ERBB4: variants seen among roughly 807,000 people sequenced by gnomAD.
The protein encoded by ERBB4 is receptor tyrosine-protein kinase erbB-4.
Under a neutral mutation model 158.0 loss-of-function variants are expected in ERBB4, and 42 were observed. That is an observed-to-expected ratio of 0.27 (90% CI 0.21 to 0.34). The LOEUF (loss-of-function observed/expected upper bound fraction) is 0.34. Among genes scored for constraint, ERBB4 ranks in the 10% least tolerant of loss-of-function variants. ERBB4 has a pLI of 1.00. For synonymous variants in ERBB4, 583 were observed against 558.7 expected (o/e 1.04, Z -0.61); for missense variants, 1,333 against 1,624.1 (o/e 0.82, Z 3.08).
At chr2:211,526,861 G>T (rs2066362584) in intron 20 of ERBB4, among the ~76,000 whole-genome samples, 1 of 152,050 alleles carries the variant, frequency 6.6e-6, no homozygotes. Flanking sequence ...AAGAATTAGT[G>T]AGCTTGAAGA....
intron 2 of ERBB4, among the ~76,000 whole-genome samples, chr2:212,062,654 C>A (rs2077816016): frequency 6.6e-6 from 1 of 152,086 alleles, no homozygotes; most frequent in African/African-American, 2.4e-5. Context: ...ATCTGCCCGC[C>A]TTGGCTTCCC....
chr2:211,781,764 A>G (rs1420751642), intron 4 of ERBB4, among the ~76,000 whole-genome samples: 1 of 152,128 alleles, frequency 6.6e-6, no homozygotes, highest in African/African-American at 2.4e-5. Flanking sequence ...TAATAGCCCT[A>G]TGAAGTTGAT....
intron 1 of ERBB4, among the ~76,000 whole-genome samples, chr2:212,184,409 C>T (rs905060995): frequency 6.6e-6 from 1 of 152,040 alleles, no homozygotes; most frequent in East Asian, 1.9e-4. Context: ...ATATATAAGG[C>T]TCTGAATTGG....
intron 1 of ERBB4, among the ~76,000 whole-genome samples, chr2:212,198,667 C>CGGGTTCA (rs2082500430): frequency 6.6e-6 from 1 of 150,570 alleles, no homozygotes; most frequent in Non-Finnish European, 1.5e-5. Flanking sequence ...CTCTGCCTCC[C>CGGGTTCA]GGGTTCAAGC....
intron 20 of ERBB4, among the ~76,000 whole-genome samples, chr2:211,508,942 C>A (rs1310058993): frequency 7.7e-6 from 1 of 130,478 alleles, no homozygotes; most frequent in Non-Finnish European, 1.7e-5. Context: ...AACAAACAAA[C>A]AAAAAAACAA....
intron 1 of ERBB4, among the ~76,000 whole-genome samples, chr2:212,264,103 A>T (rs770620014): frequency 1.3e-5 from 2 of 152,136 alleles, no homozygotes; most frequent in Admixed American, 1.3e-4. Flanking sequence ...ATCAACTACA[A>T]TGTGGATGGC....
intron 2 of ERBB4, among the ~76,000 whole-genome samples, chr2:212,047,787 C>A (rs558433425): frequency 1.3e-5 from 2 of 151,880 alleles, no homozygotes; most frequent in African/African-American, 2.4e-5. Flanking sequence ...CCCAGCCCTT[C>A]ATATTAATTT....
chr2:211,518,956 T>G (rs754677883), intron 20 of ERBB4, among the ~76,000 whole-genome samples: 15 of 152,136 alleles, frequency 9.9e-5, no homozygotes, highest in Non-Finnish European at 2.1e-4. Context: ...TAGTCTTCAC[T>G]CAGCCCTCTC....
At chr2:212,530,017 G>A (rs536620816) in intron 1 of ERBB4, among the ~76,000 whole-genome samples, 1 of 152,068 alleles carries the variant, frequency 6.6e-6, no homozygotes. Context: ...AGAAATTGAA[G>A]ACAGTTTTAG....
At chr2:211,690,720 C>A (rs1327866423) in intron 12 of ERBB4, among the ~76,000 whole-genome samples, 3 of 152,092 alleles carry the variant, frequency 2.0e-5, no homozygotes, top group Non-Finnish European at 1.5e-5. Flanking sequence ...AAGAAATTTT[C>A]GATCAGCACC....
In ERBB4 at chr2:212,391,062, C is replaced by T. The variant is rs569823217; in HGVS notation, c.82+147387G>A. Reference sequence around the variant, plus strand: ...CAGTTCACTTTCACTGCTGTGTTTACGTCTTAATAAATGACCACCATCCAT... The same window carrying T: ...CAGTTCACTTTCACTGCTGTGTTTATGTCTTAATAAATGACCACCATCCAT... On this transcript the variant is annotated intron_variant, in intron 1 of 27. Transcript: ENST00000342788. Among the ~76,000 whole-genome samples the T allele has an allele frequency of 1.3e-4, 20 of 151,792 alleles. 1 individual carries two copies. The South Asian group carries it at 3.3e-3, about 25-fold the overall frequency.
intron 1 of ERBB4, among the ~76,000 whole-genome samples, chr2:212,302,682 C>T (rs752463933): frequency 1.1e-4 from 17 of 151,336 alleles, no homozygotes; most frequent in Non-Finnish European, 1.5e-4. Flanking sequence ...TCTTGTGAAC[C>T]TCCAAAAGGA....
intron 4 of ERBB4, among the ~76,000 whole-genome samples, chr2:211,752,638 TTC>T (rs1312897636): frequency 1.3e-5 from 2 of 152,106 alleles, no homozygotes; most frequent in African/African-American, 4.8e-5. Flanking sequence ...CTCAATGTTT[TTC>T]TCTTACTCGA....
At chr2:212,293,438 A>G (rs939055215) in intron 1 of ERBB4, among the ~76,000 whole-genome samples, 11 of 152,086 alleles carry the variant, frequency 7.2e-5, no homozygotes, top group Non-Finnish European at 8.8e-5. Context: ...CTTCTAAAAA[A>G]CTTCATTAAA....
intron 1 of ERBB4, among the ~76,000 whole-genome samples, chr2:212,425,397 T>G (rs1335260911): frequency 1.3e-5 from 2 of 148,762 alleles, no homozygotes; most frequent in African/African-American, 4.9e-5. Context: ...TATGTATATG[T>G]ATACATATAT....
intron 3 of ERBB4, among the ~76,000 whole-genome samples, chr2:211,835,394 A>C (rs867053187): frequency 2.6e-5 from 3 of 117,562 alleles, no homozygotes; most frequent in Non-Finnish European, 3.8e-5. Context: ...CCACTCTGAC[A>C]CTTGAAGTTT....
intron 1 of ERBB4, among the ~76,000 whole-genome samples, chr2:212,318,051 T>G (rs144091085): frequency 6.6e-6 from 1 of 151,628 alleles, no homozygotes; most frequent in African/African-American, 2.4e-5. Flanking sequence ...CAGATAGCCA[T>G]AGGCTAAGTG....
chr2:212,182,102 T>C (rs1305138485), intron 1 of ERBB4, among the ~76,000 whole-genome samples: 2 of 151,838 alleles, frequency 1.3e-5, no homozygotes, highest in African/African-American at 2.4e-5. Flanking sequence ...TGTATCATAA[T>C]AATAGTTAAC....
chr2:211,584,436 T>C (rs975020529), intron 19 of ERBB4, among the ~76,000 whole-genome samples: 1 of 152,062 alleles, frequency 6.6e-6, no homozygotes, highest in African/African-American at 2.4e-5. Flanking sequence ...ATCCTAGGAC[T>C]CCTATATGAC....
Sources: gnomAD v4.1 joint callset for allele counts (sites outside exome capture counted in the v4.1 genomes callset) on GRCh38, gnomAD v4.1.1 for gene constraint, MANE v1.5 for transcripts, NCBI Gene and HGNC (gene_info 2026-07-23, HGNC 2026-07-21) for gene names.